Variants in ARHGEF26 observed in about 807,000 individuals in gnomAD.
ARHGEF26 encodes the protein Rho guanine nucleotide exchange factor 26, also known as Rho guanine nucleotide exchange factor (GEF) 26.
A neutral mutation model predicts 89.4 loss-of-function variants in ARHGEF26; 59 were observed. That is an observed-to-expected ratio of 0.66 (90% CI 0.54 to 0.82). The LOEUF (loss-of-function observed/expected upper bound fraction) is 0.82. Among genes scored for constraint, ARHGEF26 ranks in the 40% least tolerant of loss-of-function variants. The pLI is 0.00. For missense variants in ARHGEF26, 1,234 were observed against 1,085.6 expected, an observed-to-expected ratio of 1.14 and a Z score of -1.92; for synonymous variants, 500 against 428.4, an observed-to-expected ratio of 1.17 and a Z score of -2.06.
At chr3:154,219,863 G>A (rs1265818660) in intron 10 of ARHGEF26, among the ~76,000 whole-genome samples, 1 of 151,624 alleles carries the variant, frequency 6.6e-6, no homozygotes, top group Non-Finnish European at 1.5e-5. Context: ...GCAGTGAGCC[G>A]AGATCGTGCC....
chr3:154,219,862 C>T (rs540205600), intron 10 of ARHGEF26, among the ~76,000 whole-genome samples: 3 of 150,312 alleles, frequency 2.0e-5, no homozygotes, highest in Non-Finnish European at 3.0e-5. Flanking sequence ...TGCAGTGAGC[C>T]GAGATCGTGC....
intron 6 of ARHGEF26, among the ~76,000 whole-genome samples, chr3:154,156,553 C>G (rs1394665358): frequency 1.3e-5 from 2 of 152,080 alleles, no homozygotes; most frequent in East Asian, 3.8e-4. Context: ...TAGGAATGTT[C>G]AGCTTTTACA....
chr3:154,244,417 C>T (rs1474091657), intron 12 of ARHGEF26, among the ~76,000 whole-genome samples: 17 of 152,102 alleles, frequency 1.1e-4, no homozygotes, highest in Non-Finnish European at 1.0e-4. Context: ...CTGGGATATG[C>T]CAGGCACTGA....
chr3:154,149,398 AAG>A lies in ARHGEF26; in HGVS notation c.1280_1281del (p.Lys427ArgfsTer19). On this transcript the variant is annotated frameshift_variant, in exon 5 of 15. Coordinates refer to ENST00000465093, the MANE Select transcript of ARHGEF26 (RefSeq NM_015595.4). LOFTEE classifies it high-confidence loss of function. ...TWSQLSAVKR[K>X]GLSQTVSQEE... ...TTGCTTTTTCTCCTAGGTGAAAAGA[AAG>A]GGATTATCTCAGACAGTAAGCCAGG... 1.2e-6 allele frequency: 2 copies of A among 1,606,466 alleles called. No individual in the cohort carries two copies. The highest frequency in any genetic ancestry group is 1.7e-6 in the Non-Finnish European group (2 of 1,176,128).
chr3:154,175,744 G>A (rs1227180309), intron 6 of ARHGEF26, among the ~76,000 whole-genome samples: 2 of 152,164 alleles, frequency 1.3e-5, no homozygotes, highest in Non-Finnish European at 2.9e-5. Flanking sequence ...TCAAAGGAAG[G>A]TATTGGCACT....
intron 6 of ARHGEF26, among the ~76,000 whole-genome samples, chr3:154,181,200 G>C (rs1255924597): frequency 6.6e-6 from 1 of 152,160 alleles, no homozygotes; most frequent in Non-Finnish European, 1.5e-5. Flanking sequence ...TTTTGGTAGA[G>C]TACAGAATGT....
chr3:154,171,407 T>A (rs1354025427), intron 6 of ARHGEF26, among the ~76,000 whole-genome samples: 2 of 152,142 alleles, frequency 1.3e-5, no homozygotes, highest in Non-Finnish European at 2.9e-5. Flanking sequence ...TACGGTTTGC[T>A]CTTGATGTTC....
Position 154,187,777 on chromosome 3 carries a change from AC to A in ARHGEF26, c.1583del (p.Pro528HisfsTer3). Reference protein sequence around the residue: ...IVEKHTASTFDPYVKYCTNEV... With the variant: ...IVEKHTASTFXPYVKYCTNEV... ...GAAAAACACACAGCATCCACATTTG[AC>A]CCATATGTGAAATACTGCACAAATG... On this transcript the variant is annotated frameshift_variant, in exon 7 of 15. Coordinates refer to ENST00000465093, the MANE Select transcript of ARHGEF26 (RefSeq NM_015595.4). LOFTEE classifies it high-confidence loss of function. The A allele has an allele frequency of 6.2e-7, 1 of 1,612,160 alleles. No homozygotes were observed. Among genetic ancestry groups the A allele is most frequent in the Non-Finnish European group, 8.5e-7 (1 of 1,178,916 alleles).
At chr3:154,165,443 T>G (rs2108126361) in intron 6 of ARHGEF26, among the ~76,000 whole-genome samples, 1 of 152,296 alleles carries the variant, frequency 6.6e-6, no homozygotes, top group African/African-American at 2.4e-5. Context: ...AGTATAATTA[T>G]TTAGAACTAA....
In ARHGEF26 at chr3:154,186,949, T is replaced by C. The variant is rs561870738; in HGVS notation, c.1488-736T>C. On this transcript the variant is annotated intron_variant, in intron 6 of 14. Coordinates refer to ENST00000465093, the MANE Select transcript of ARHGEF26 (RefSeq NM_015595.4). ...TCTCTGTCGCCAGGCTGGAGTCCAG[T>C]GGCGTGATCTCGGCTCACTGCAACC... Among the ~76,000 whole-genome samples the C allele has an allele frequency of 3.0e-4, 38 of 125,128 alleles. No homozygotes were observed. The South Asian group carries it at 8.4e-3, about 28-fold the overall frequency. The allele number at this position is 125,128 out of a possible 152,430, so 82.1% of individuals were successfully genotyped here.
At chr3:154,212,857 T>G (rs935274839) in intron 9 of ARHGEF26, among the ~76,000 whole-genome samples, 2 of 151,924 alleles carry the variant, frequency 1.3e-5, no homozygotes, top group African/African-American at 2.4e-5. Flanking sequence ...TCCATGGCCC[T>G]GGGGGTGGGG....
rs1718466845 is a variant in ARHGEF26, at chr3:154,255,868, G to GT, written c.*396dup. The stretch of plus-strand genomic sequence containing the variant: ...TATACATCCTTGTATGGTTCTCCCA[G>GT]TATTAGCAAGATTGTATATCTGTAA... On this transcript the variant is annotated 3_prime_UTR_variant, in exon 15 of 15. Transcript: ENST00000465093. 2.0e-6 allele frequency: 2 copies of GT among 998,976 alleles called. No individual in the cohort carries two copies. The highest frequency in any genetic ancestry group is 2.4e-6 in the Non-Finnish European group (2 of 839,002). 61.9% of individuals were successfully genotyped at this position (998,976 alleles called of 1,614,324 possible).
chr3:154,161,205 A>G (rs545270914), intron 6 of ARHGEF26, among the ~76,000 whole-genome samples: 170 of 151,892 alleles, frequency 1.1e-3, no homozygotes, highest in Non-Finnish European at 1.6e-3. Context: ...GTAACATTTT[A>G]TCATCTTTGT....
intron 6 of ARHGEF26, among the ~76,000 whole-genome samples, chr3:154,162,037 A>G (rs1362281016): frequency 6.6e-6 from 1 of 152,210 alleles, no homozygotes; most frequent in Non-Finnish European, 1.5e-5. Context: ...TGGTTGGGAC[A>G]GACTAAAGTG....
chr3:154,122,385 C>A lies in ARHGEF26; in HGVS notation c.393C>A (p.Gly131=), dbSNP rs780728308. The A allele has an allele frequency of 1.4e-5, 22 of 1,611,826 alleles. No homozygotes were observed. In the East Asian group the frequency reaches 1.8e-4, roughly 13 times the overall value. ...PGGSPKSPAN[G]AVTLPAPPPP... ...GCTCCCCGAAATCCCCAGCAAATGGCGCGGTGACCTTGCCTGCGCCGCCGC... is the reference window on the plus strand; with the variant it reads ...GCTCCCCGAAATCCCCAGCAAATGGAGCGGTGACCTTGCCTGCGCCGCCGC... The change falls in exon 2 of 15, where the codon GGC becomes GGA. Residue 131 remains glycine (G), a synonymous_variant. Transcript: ENST00000465093.
chr3:154,222,803 A>G (rs1392731383), intron 10 of ARHGEF26, among the ~76,000 whole-genome samples: 1 of 152,148 alleles, frequency 6.6e-6, no homozygotes, highest in Admixed American at 6.5e-5. Flanking sequence ...AGTCTTCAGG[A>G]TAGTTTGCAG....
Position 154,256,652 on chromosome 3 carries a change from A to G in ARHGEF26, c.*1179A>G. 1.7e-6 allele frequency: 2 copies of G among 1,194,712 alleles called. No homozygotes were observed. The highest frequency in any genetic ancestry group is 2.1e-6 in the Non-Finnish European group (2 of 966,186). The allele number at this position is 1,194,712 out of a possible 1,614,324, so 74.0% of individuals were successfully genotyped here. Reference sequence around the variant, plus strand: ...TAATACCTAGTTTTCAGCTGTTCCAACTCGTTTCCAAATAGAAATTAGCTG... The same window carrying G: ...TAATACCTAGTTTTCAGCTGTTCCAGCTCGTTTCCAAATAGAAATTAGCTG... On this transcript the variant is annotated 3_prime_UTR_variant, in exon 15 of 15. Coordinates refer to ENST00000465093, the MANE Select transcript of ARHGEF26 (RefSeq NM_015595.4).
chr3:154,129,161 T>G (rs555064109), intron 3 of ARHGEF26, among the ~76,000 whole-genome samples: 1 of 152,202 alleles, frequency 6.6e-6, no homozygotes, highest in African/African-American at 2.4e-5. Context: ...GTCTTTCTTT[T>G]GTTTTCCATT....
chr3:154,182,625 G>A (rs768673253), intron 6 of ARHGEF26, among the ~76,000 whole-genome samples: 4 of 152,188 alleles, frequency 2.6e-5, no homozygotes, highest in Admixed American at 6.5e-5. Context: ...CTTGGAAAAT[G>A]ATCTTTTTCT....
Sources: gnomAD v4.1 joint callset for allele counts (sites outside exome capture counted in the v4.1 genomes callset) on GRCh38, gnomAD v4.1.1 for gene constraint, MANE v1.5 for transcripts, NCBI Gene and HGNC (gene_info 2026-07-23, HGNC 2026-07-21) for gene names.